AUTS2: variants seen among roughly 807,000 people sequenced by gnomAD.
AUTS2 encodes autism susceptibility gene 2 protein.
AUTS2 carries 17 observed loss-of-function variants against 112.4 expected under a neutral mutation model. The ratio of observed to expected loss-of-function variants is 0.15; its 90% CI spans 0.10 to 0.23. AUTS2 has a LOEUF of 0.23. AUTS2 is among the 10% of genes least tolerant of loss of function. The probability of loss-of-function intolerance (pLI) is 1.00; values close to 1 mark genes in which losing one functional copy is unlikely to be tolerated. For missense variants in AUTS2, 1,510 were observed against 1,701.6 expected, an observed-to-expected ratio of 0.89 and a Z score of 1.98; for synonymous variants, 751 against 702.7, an observed-to-expected ratio of 1.07 and a Z score of -1.09.
chr7:70,790,715 C>T lies in AUTS2; in HGVS notation c.3499C>T (p.Leu1167Phe), dbSNP rs1214271334. The T allele has an allele frequency of 6.2e-7, 1 of 1,613,518 alleles. No homozygotes were observed. Among genetic ancestry groups the T allele is most frequent in the Non-Finnish European group, 8.5e-7 (1 of 1,179,976 alleles). The change falls in exon 19 of 19, where the codon CTC (leucine) becomes TTC (phenylalanine). Residue 1167 changes from leucine (L) to phenylalanine (F), a missense_variant. Coordinates refer to ENST00000342771, the MANE Select transcript of AUTS2 (RefSeq NM_015570.4). This position sits in a 1 kb window ranked among gnomAD's most constrained non-coding sequence, Gnocchi z 7.6. ...CAGAGAAGACTACGAGCACACGCGG[C>T]TCCACTCCGTGCACCCCGCCTCCCT... Reference protein sequence around the residue: ...MLREDYEHTRLHSVHPASLDG... With the variant: ...MLREDYEHTRFHSVHPASLDG...
intron 4 of AUTS2, among the ~76,000 whole-genome samples, chr7:70,144,993 C>T (rs575941902): frequency 6.6e-6 from 1 of 152,032 alleles, no homozygotes; most frequent in Non-Finnish European, 1.5e-5. Context: ...TAGATTCTGT[C>T]ATGTCATATA....
chr7:70,107,492 C>T (rs1283675119), intron 2 of AUTS2, among the ~76,000 whole-genome samples: 1 of 150,376 alleles, frequency 6.6e-6, no homozygotes, highest in African/African-American at 2.4e-5. Flanking sequence ...TACAGGCACG[C>T]CCCACCATGC....
intron 5 of AUTS2, among the ~76,000 whole-genome samples, chr7:70,446,898 C>G (rs1338342678): frequency 2.6e-5 from 4 of 152,158 alleles, no homozygotes; most frequent in Non-Finnish European, 5.9e-5. Context: ...ATGTTTATGT[C>G]TCTATACGTC....
chr7:70,574,395 C>A (rs1055564816), intron 5 of AUTS2, among the ~76,000 whole-genome samples: 3 of 152,144 alleles, frequency 2.0e-5, no homozygotes, highest in Admixed American at 6.6e-5. Flanking sequence ...ACCCGTATGT[C>A]TTTTTTCTAA....
At chr7:70,581,058 A>C (rs1802410908) in intron 5 of AUTS2, among the ~76,000 whole-genome samples, 1 of 152,152 alleles carries the variant, frequency 6.6e-6, no homozygotes, top group African/African-American at 2.4e-5. Context: ...TAGCCTGGAC[A>C]ACCCAGTGAG....
intron 1 of AUTS2, among the ~76,000 whole-genome samples, chr7:69,804,761 C>T (rs1434304921): frequency 6.6e-6 from 1 of 152,158 alleles, no homozygotes; most frequent in Non-Finnish European, 1.5e-5. Flanking sequence ...CTGGATTTTA[C>T]TTCTTTACCA....
intron 1 of AUTS2, among the ~76,000 whole-genome samples, chr7:69,861,982 C>T (rs1482834551): frequency 1.3e-5 from 2 of 152,118 alleles, no homozygotes; most frequent in African/African-American, 2.4e-5. Context: ...GTTAGTCTCT[C>T]GTGTGGTTTT....
intron 4 of AUTS2, among the ~76,000 whole-genome samples, chr7:70,328,694 C>T (rs1790606157): frequency 6.6e-6 from 1 of 152,090 alleles, no homozygotes. Context: ...TAACCACATT[C>T]AGCAGTAAAG....
intron 1 of AUTS2, among the ~76,000 whole-genome samples, chr7:69,775,796 A>G (rs1420374578): frequency 6.6e-6 from 1 of 152,196 alleles, no homozygotes; most frequent in East Asian, 1.9e-4. Flanking sequence ...CATTCTTTCA[A>G]TGTGGTCCCA....
At position 70,329,266 on chromosome 7, in the gene AUTS2, C is replaced by T. The variant is rs574660404; in HGVS notation, c.661-106486C>T. 2.6e-5 allele frequency among the ~76,000 whole-genome samples: 4 copies of T among 152,158 alleles called. No individual in the cohort carries two copies. In the South Asian group the frequency reaches 6.2e-4, roughly 24 times the overall value. ...GTGTCACATATACTTGTTTATGTAC[C>T]TCGTTTTGGTTCTTCTGCATATATA... On this transcript the variant is annotated intron_variant, in intron 4 of 18. Transcript: ENST00000342771.
At chr7:70,780,913 G>A (rs28694156) in intron 14 of AUTS2, among the ~76,000 whole-genome samples, 3,654 of 152,286 alleles carry the variant, frequency 0.024, 149 homozygotes, top group African/African-American at 0.082. Context: ...ACAGCAGATT[G>A]TTCATGCAGA....
rs1306844707 is a variant in AUTS2, at chr7:69,615,279, T to G, written c.309+15317T>G. Among the ~76,000 whole-genome samples the G allele has an allele frequency of 2.6e-5, 4 of 152,320 alleles. No homozygotes were observed. In the East Asian group the frequency reaches 7.7e-4, roughly 29 times the overall value. ...TTCAGGGTAGTGGGTGCCATCTATT[T>G]TCTGATTACAGGTGAACATTACTTT... On this transcript the variant is annotated intron_variant, in intron 1 of 18. Coordinates refer to ENST00000342771, the MANE Select transcript of AUTS2 (RefSeq NM_015570.4).
chr7:69,600,536 TTC>T (rs1170282623), intron 1 of AUTS2, among the ~76,000 whole-genome samples: 23 of 108,958 alleles, frequency 2.1e-4, no homozygotes, highest in Admixed American at 1.6e-3. Flanking sequence ...CCCCCCCATA[TTC>T]TTTTTTTTTT....
At chr7:69,707,107 T>G (rs893536101) in intron 1 of AUTS2, among the ~76,000 whole-genome samples, 9 of 152,210 alleles carry the variant, frequency 5.9e-5, no homozygotes. Context: ...TTTTAAAATT[T>G]TCTTTTGGTC....
intron 1 of AUTS2, among the ~76,000 whole-genome samples, chr7:69,888,058 C>T (rs1197150407): frequency 6.6e-6 from 1 of 152,124 alleles, no homozygotes; most frequent in Non-Finnish European, 1.5e-5. Context: ...TGCCTCTAAT[C>T]CCAACACTTG....
At chr7:70,586,080 C>G (rs890251566) in intron 5 of AUTS2, among the ~76,000 whole-genome samples, 4 of 152,084 alleles carry the variant, frequency 2.6e-5, no homozygotes, top group African/African-American at 9.7e-5. Flanking sequence ...CCAGGCTGGT[C>G]TCGAACTTCT....
At chr7:70,546,029 G>C (rs1336170762) in intron 5 of AUTS2, among the ~76,000 whole-genome samples, 1 of 152,202 alleles carries the variant, frequency 6.6e-6, no homozygotes, top group Non-Finnish European at 1.5e-5. Flanking sequence ...GGGATCTCAA[G>C]TGTCTTGGGC....
chr7:70,032,639 T>A (rs1800833241), intron 2 of AUTS2, among the ~76,000 whole-genome samples: 1 of 152,184 alleles, frequency 6.6e-6, no homozygotes. Flanking sequence ...ATATCATTTA[T>A]GTCCTTGCAG....
At chr7:69,958,370 C>G (rs1385153567) in intron 2 of AUTS2, among the ~76,000 whole-genome samples, 1 of 152,130 alleles carries the variant, frequency 6.6e-6, no homozygotes, top group East Asian at 1.9e-4. Flanking sequence ...AACCTCTACT[C>G]TAGAATATAA....
Sources: gnomAD v4.1 joint callset for allele counts (sites outside exome capture counted in the v4.1 genomes callset) on GRCh38, gnomAD v4.1.1 for gene constraint, Gnocchi (gnomAD v3.1) non-coding constraint, MANE v1.5 for transcripts, NCBI Gene and HGNC (gene_info 2026-07-23, HGNC 2026-07-21) for gene names.